The following SORT1 variants were observed in gnomAD, a reference collection of about 807,000 sequenced individuals.
SORT1 encodes the protein sortilin.
A neutral mutation model predicts 101.7 loss-of-function variants in SORT1; 39 were observed. The observed-to-expected ratio is 0.38, with a 90% CI of 0.30 to 0.50. SORT1 has a LOEUF of 0.50. SORT1 is among the 20% of genes least tolerant of loss of function. The pLI is 0.90. For synonymous variants in SORT1, 396 were observed against 393.7 expected (o/e 1.01, Z -0.07); for missense variants, 878 against 1,040.4 (o/e 0.84, Z 2.15).
chr1:109,391,268 A>T (rs1430515310), intron 1 of SORT1, among the ~76,000 whole-genome samples: 1 of 152,188 alleles, frequency 6.6e-6, no homozygotes, highest in African/African-American at 2.4e-5. Flanking sequence ...CAAGTTCTGG[A>T]GGTGGTAGTA....
intron 11 of SORT1, among the ~76,000 whole-genome samples, chr1:109,332,829 T>C (rs915422497): frequency 6.6e-6 from 1 of 152,190 alleles, no homozygotes; most frequent in Non-Finnish European, 1.5e-5. Context: ...CAACTTAACT[T>C]TGACAAGGGT....
chr1:109,338,642 T>C (rs1471562921), intron 10 of SORT1, among the ~76,000 whole-genome samples: 3 of 152,122 alleles, frequency 2.0e-5, no homozygotes, highest in African/African-American at 7.2e-5. Context: ...GGCCTACATC[T>C]CCCAATATAG....
chr1:109,338,061 T>A (rs920031305), intron 10 of SORT1, among the ~76,000 whole-genome samples: 1 of 152,186 alleles, frequency 6.6e-6, no homozygotes, highest in Non-Finnish European at 1.5e-5. Context: ...AGAAAATAAG[T>A]ACTATGGAAA....
intron 1 of SORT1, 123 bp from the exon 2 acceptor site, chr1:109,369,712 T>C (rs1310047889): frequency 2.9e-6 from 2 of 690,654 alleles, no homozygotes; most frequent in African/African-American, 1.8e-5. Flanking sequence ...AAAGTGGGTA[T>C]GGATTCCCAG....
intron 3 of SORT1, among the ~76,000 whole-genome samples, chr1:109,359,147 G>A (rs1482241921): frequency 6.6e-6 from 1 of 152,172 alleles, no homozygotes; most frequent in African/African-American, 2.4e-5. Flanking sequence ...GGTGCCAGCA[G>A]ATGTGCTGTC....
At chr1:109,330,435 A>G (rs1203849968) in intron 11 of SORT1, among the ~76,000 whole-genome samples, 1 of 152,230 alleles carries the variant, frequency 6.6e-6, no homozygotes, top group South Asian at 2.1e-4. Context: ...CTTGAGACAA[A>G]TGAAAAGGGA....
At chr1:109,375,978 G>A (rs1651807737) in intron 1 of SORT1, among the ~76,000 whole-genome samples, 1 of 152,162 alleles carries the variant, frequency 6.6e-6, no homozygotes, top group Non-Finnish European at 1.5e-5. Flanking sequence ...AGGCTGTGGA[G>A]AAAAGGGAGT....
In SORT1 at chr1:109,342,140, G is replaced by C; in HGVS notation, c.982C>G (p.His328Asp). Residue 328 changes from histidine to aspartate, a missense_variant, in exon 9 of 20, where the codon CAC becomes GAC. His to Asp is a moderately conservative substitution (Grantham distance 81, BLOSUM62 -1). Transcript: ENST00000256637. The stretch of plus-strand genomic sequence containing the variant: ...GTGTCCCCTTGATCTGTTGAAACGT[G>C]GATCCTTCTTGTTGTATCCTAGAAC... ...MADKDTTRRI[H>D]VSTDQGDTWS... The C allele has an allele frequency of 6.2e-7, 1 of 1,612,462 alleles. No homozygotes were observed. The highest frequency in any genetic ancestry group is 8.5e-7 in the Non-Finnish European group (1 of 1,178,804).
intron 1 of SORT1, among the ~76,000 whole-genome samples, chr1:109,392,361 A>G (rs1250859189): frequency 3.9e-5 from 6 of 152,232 alleles, no homozygotes; most frequent in Non-Finnish European, 5.9e-5. Flanking sequence ...GGCAGAGTGC[A>G]GAAGAAACTG....
At chr1:109,327,306 G>T in intron 12 of SORT1, 146 bp from the exon 13 acceptor site, 1 of 835,350 alleles carries the variant, frequency 1.2e-6, no homozygotes. Flanking sequence ...CAAAAACTTC[G>T]GAGAAGTTGT....
chr1:109,314,223 G>T (rs72646591), intron 19 of SORT1, 38 bp downstream of exon 19: 56 of 1,456,860 alleles, frequency 3.8e-5, no homozygotes, highest in African/African-American at 5.7e-5. Context: ...TATTTTTTGG[G>T]GGGGGGGGTA....
At chr1:109,387,794 T>C (rs1025410913) in intron 1 of SORT1, among the ~76,000 whole-genome samples, 5 of 151,974 alleles carry the variant, frequency 3.3e-5, no homozygotes, top group African/African-American at 1.2e-4. Flanking sequence ...CTACTAAAAA[T>C]ACAAAAATTA....
At chr1:109,326,460 TATATAC>T (rs1195413422) in intron 13 of SORT1, among the ~76,000 whole-genome samples, 3,110 of 45,608 alleles carry the variant, frequency 0.068, 92 homozygotes, top group Middle Eastern at 0.19. Context: ...TATATATATA[TATATAC>T]ATACACACAC....
intron 1 of SORT1, among the ~76,000 whole-genome samples, chr1:109,395,976 T>C (rs940202411): frequency 3.3e-5 from 5 of 151,880 alleles, no homozygotes; most frequent in Admixed American, 6.6e-5. Context: ...CCCGGCTACT[T>C]GGGAGGCTGA....
rs1389887406 is a variant in SORT1 at position 109,313,343 on chromosome 1, A to C, written c.*700T>G. 1 of 152,746 alleles carries C rather than the reference A, an allele frequency of 6.5e-6. No individual in the cohort carries two copies. Among genetic ancestry groups the C allele is most frequent in the Admixed American group, 6.5e-5 (1 of 15,280 alleles). The allele number at this position is 152,746 out of a possible 1,614,324, so 9.5% of individuals were successfully genotyped here. Reference sequence around the variant, plus strand: ...CCCCAAGTTAAAAATATTGCCCTGTAAGTTTTCCTGATGTACTGTGTGGGA... The same window carrying C: ...CCCCAAGTTAAAAATATTGCCCTGTCAGTTTTCCTGATGTACTGTGTGGGA... On this transcript the variant is annotated 3_prime_UTR_variant, in exon 20 of 20. Coordinates refer to ENST00000256637, the MANE Select transcript of SORT1 (RefSeq NM_002959.7).
intron 15 of SORT1, 108 bp from the exon 16 acceptor site, chr1:109,318,077 G>A (rs538506736): frequency 2.9e-6 from 2 of 688,826 alleles, no homozygotes; most frequent in Non-Finnish European, 5.1e-6. Context: ...TCCAGTCTTG[G>A]GTTGTTAGAA....
chr1:109,397,838 C>G lies in SORT1; in HGVS notation c.55G>C (p.Gly19Arg), dbSNP rs1330920999. 1.5e-6 allele frequency: 2 copies of G among 1,301,382 alleles called. No homozygotes were observed. Among genetic ancestry groups the G allele is most frequent in the South Asian group, 1.7e-5 (1 of 58,632 alleles). 80.6% of individuals were successfully genotyped at this position (1,301,382 alleles called of 1,614,324 possible). ...AGCAGCTGCAGGAGGAGGAGGAGGC[C>G]GAGGCCATGGGGCCAGCGCGAGAGG... ...DGLSRWPHGLGLLLLLQLLPP... is the reference protein window; with the variant it reads ...DGLSRWPHGLRLLLLLQLLPP... Residue 19 changes from glycine to arginine, a missense_variant, in exon 1 of 20, where the codon GGC becomes CGC. Gly to Arg is a moderately radical substitution (Grantham distance 125). Around this residue, in one of 2 missense-constraint regions of SORT1, gnomAD observed 194 missense variants for 145.9 expected, o/e 1.33. Coordinates refer to ENST00000256637, the MANE Select transcript of SORT1 (RefSeq NM_002959.7).
intron 10 of SORT1, 65 bp downstream of exon 10, chr1:109,340,659 C>T (rs1244834957): frequency 2.2e-5 from 34 of 1,552,296 alleles, no homozygotes; most frequent in African/African-American, 2.7e-5. Context: ...ACAGGTTCCC[C>T]GAAGCCTCAA....
chr1:109,365,759 A>G (rs975789294), intron 3 of SORT1, among the ~76,000 whole-genome samples: 1 of 152,204 alleles, frequency 6.6e-6, no homozygotes, highest in African/African-American at 2.4e-5. Context: ...TGGAATTTAC[A>G]CTGTAGTTAG....
Sources: gnomAD v4.1 joint callset for allele counts (sites outside exome capture counted in the v4.1 genomes callset) on GRCh38, gnomAD v4.1.1 for gene constraint, gnomAD v4.1.1 regional missense constraint, MANE v1.5 for transcripts, NCBI Gene and HGNC (gene_info 2026-07-23, HGNC 2026-07-21) for gene names.